ECPAS: variants seen among roughly 807,000 people sequenced by gnomAD.
ECPAS encodes Ecm29 proteasome adaptor and scaffold.
A neutral mutation model predicts 255.1 loss-of-function variants in ECPAS; 70 were observed. That is an observed-to-expected ratio of 0.27 (90% CI 0.23 to 0.33). ECPAS has a LOEUF of 0.33. Ranked by LOEUF, ECPAS falls within the 10% of genes least tolerant of loss-of-function variation. The pLI is 1.00. For missense variants in ECPAS, 1,817 were observed against 2,206.4 expected (o/e 0.82, Z 3.54); for synonymous variants, 784 against 775.0 (o/e 1.01, Z -0.19).
At chr9:111,372,280 G>C (rs16916012) in intron 42 of ECPAS, 149 bp downstream of exon 42, 56,149 of 749,216 alleles carry the variant, frequency 0.075, 2,829 homozygotes, top group East Asian at 0.19. Flanking sequence ...TAAATGGGAT[G>C]AGCAATTTGG....
intron 2 of ECPAS, among the ~76,000 whole-genome samples, chr9:111,452,071 C>T (rs1240700059): frequency 6.6e-6 from 1 of 152,120 alleles, no homozygotes; most frequent in Non-Finnish European, 1.5e-5. Context: ...TTAAGTGACA[C>T]CATGGGGATA....
chr9:111,424,171 G>A (rs2098218192), intron 12 of ECPAS, among the ~76,000 whole-genome samples: 1 of 152,192 alleles, frequency 6.6e-6, no homozygotes. Context: ...ATAGGAGAAA[G>A]AAGCTATGAG....
chr9:111,465,504 C>A (rs911311411), intron 2 of ECPAS, among the ~76,000 whole-genome samples: 1 of 152,040 alleles, frequency 6.6e-6, no homozygotes, highest in Non-Finnish European at 1.5e-5. Context: ...CGTGCCATTG[C>A]ACTGCAGCCT....
chr9:111,471,154 A>C (rs1030194425), intron 2 of ECPAS, among the ~76,000 whole-genome samples: 1 of 152,218 alleles, frequency 6.6e-6, no homozygotes, highest in African/African-American at 2.4e-5. Context: ...TCACTATTTA[A>C]ATCCTAGCAG....
chr9:111,400,720 AAC>A (rs987442375), intron 24 of ECPAS, among the ~76,000 whole-genome samples: 1 of 152,234 alleles, frequency 6.6e-6, no homozygotes, highest in African/African-American at 2.4e-5. Flanking sequence ...GCTACTTGAA[AAC>A]ACACAGTCAG....
At chr9:111,367,785 T>TCCAGCCCTTTGCTC in intron 46 of ECPAS, among the ~76,000 whole-genome samples, 1 of 152,100 alleles carries the variant, frequency 6.6e-6, no homozygotes, top group East Asian at 1.9e-4. Context: ...GGCTCATACC[T>TCCAGCCCTTTGCTC]ATAATCCCAG....
At chr9:111,461,978 T>C (rs1464390808) in intron 2 of ECPAS, among the ~76,000 whole-genome samples, 1 of 152,160 alleles carries the variant, frequency 6.6e-6, no homozygotes, top group Non-Finnish European at 1.5e-5. Flanking sequence ...CTCACTCCCA[T>C]GATTCAATCA....
chr9:111,455,436 A>G (rs1191547499), intron 2 of ECPAS, among the ~76,000 whole-genome samples: 15 of 152,238 alleles, frequency 9.9e-5, no homozygotes, highest in Non-Finnish European at 1.6e-4. Context: ...GTGAGCAGAT[A>G]TCGTGCCACT....
At chr9:111,440,300 C>T in intron 6 of ECPAS, 72 bp downstream of exon 6, 1 of 1,342,730 alleles carries the variant, frequency 7.4e-7, no homozygotes, top group Non-Finnish European at 1.0e-6. Context: ...AGAGTTTAAT[C>T]ATTTAAAATA....
intron 24 of ECPAS, among the ~76,000 whole-genome samples, chr9:111,408,112 G>A (rs981218312): frequency 6.6e-6 from 1 of 152,192 alleles, no homozygotes; most frequent in Admixed American, 6.5e-5. Context: ...AGGAAAAGCA[G>A]GGCCAGATCA....
chr9:111,453,929 A>G (rs976308203), intron 2 of ECPAS, among the ~76,000 whole-genome samples: 2 of 152,190 alleles, frequency 1.3e-5, no homozygotes, highest in South Asian at 2.1e-4. Context: ...CTGGGGGGGA[A>G]AAAAGGACAT....
chr9:111,460,946 G>A (rs971636124), intron 2 of ECPAS, among the ~76,000 whole-genome samples: 3 of 151,926 alleles, frequency 2.0e-5, no homozygotes, highest in South Asian at 2.1e-4. Context: ...ACAGTGGCTC[G>A]AGCCTATAGT....
At position 111,402,694 on chromosome 9, in the gene ECPAS, CAG is replaced by C. The variant is rs1462824816; in HGVS notation, c.2653-5543_2653-5542del. On this transcript the variant is annotated intron_variant, in intron 24 of 49. Coordinates refer to ENST00000684092, the MANE Select transcript of ECPAS (RefSeq NM_001364929.1). ...AAAAATGGGGGTACTGGAATTAAAA[CAG>C]AGTTTTTAAGTTTTTTCTTTGCTTG... Among the ~76,000 whole-genome samples the C allele has an allele frequency of 2.6e-5, 4 of 152,222 alleles. No homozygotes were observed. In the South Asian group the frequency reaches 6.2e-4, roughly 24 times the overall value.
chr9:111,396,957 G>A, intron 25 of ECPAS, 73 bp downstream of exon 25: 1 of 1,555,384 alleles, frequency 6.4e-7, no homozygotes, highest in Non-Finnish European at 8.8e-7. Flanking sequence ...TAATGTTTTT[G>A]CCTCAAATGT....
intron 4 of ECPAS, among the ~76,000 whole-genome samples, chr9:111,443,929 T>A (rs1163109789): frequency 6.6e-6 from 1 of 152,238 alleles, no homozygotes; most frequent in African/African-American, 2.4e-5. Flanking sequence ...AAAAAGATCT[T>A]TCTGAATATA....
chr9:111,388,272 C>A (rs1050897465), intron 31 of ECPAS, among the ~76,000 whole-genome samples: 4 of 150,848 alleles, frequency 2.7e-5, no homozygotes, highest in Non-Finnish European at 5.9e-5. Context: ...GTGGCTTAAT[C>A]CTTTCACTTA....
At position 111,484,195 on chromosome 9, in the gene ECPAS, G is replaced by T. The variant is rs963082539; in HGVS notation, c.-162C>A. The T allele has an allele frequency of 2.7e-6, 4 of 1,481,658 alleles. No homozygotes were observed. The highest frequency in any genetic ancestry group is 3.0e-5 in the African/African-American group (2 of 67,580). 91.8% of individuals were successfully genotyped at this position (1,481,658 alleles called of 1,614,324 possible). A position where few individuals can be genotyped will look rare whatever the true frequency, so the allele number is the denominator to read the frequency against. On this transcript the variant is annotated 5_prime_UTR_variant, in exon 1 of 50. Coordinates refer to ENST00000684092, the MANE Select transcript of ECPAS (RefSeq NM_001364929.1). ...AGGGCTGTAGAGCGAGGCGTTCGGC[G>T]GGCCGGGCCCCGGGGAGCCGCGCGC...
intron 24 of ECPAS, among the ~76,000 whole-genome samples, chr9:111,401,812 A>C (rs1446932467): frequency 1.1e-4 from 17 of 152,238 alleles, no homozygotes; most frequent in Admixed American, 1.1e-3. Context: ...TTCTGCAAGA[A>C]GAAAAATATG....
In ECPAS at chr9:111,425,493, A is replaced by G; in HGVS notation, c.1140T>C (p.Cys380=). 4 of 1,590,738 alleles carry G rather than the reference A, an allele frequency of 2.5e-6. No homozygotes were observed. The highest frequency in any genetic ancestry group is 3.4e-6 in the Non-Finnish European group (4 of 1,168,966). The change falls in exon 12 of 50, where the codon TGT becomes TGC. Residue 380 remains cysteine, a synonymous_variant. Coordinates refer to ENST00000684092, the MANE Select transcript of ECPAS (RefSeq NM_001364929.1). ...CTAATGGCTTAATCTTGATTTCTGG[A>G]CAGCTTTAAATAAAACACACATACA... ...LQFVHHICIT[C]PEIKIKPLGP...
Sources: allele counts gnomAD v4.1 joint callset (sites outside exome capture counted in the v4.1 genomes callset), GRCh38; gene constraint gnomAD v4.1.1; transcripts MANE v1.5; gene names NCBI Gene and HGNC (gene_info 2026-07-23, HGNC 2026-07-21).